TMEM40: variants seen among roughly 807,000 people sequenced by gnomAD.
TMEM40 encodes transmembrane protein 40.
TMEM40 carries 34 observed loss-of-function variants against 40.8 expected under a neutral mutation model. The observed-to-expected ratio is 0.83, with a 90% CI of 0.63 to 1.11. TMEM40 has a LOEUF of 1.11. Among genes scored for constraint, TMEM40 ranks in the 50% least tolerant of loss-of-function variants. TMEM40 has a pLI of 0.00. For missense variants in TMEM40, 296 were observed against 280.2 expected, an observed-to-expected ratio of 1.06 and a Z score of -0.40; for synonymous variants, 106 against 107.0, an observed-to-expected ratio of 0.99 and a Z score of 0.06.
At chr3:12,755,242 T>TCTTG (rs2061517086) in intron 1 of TMEM40, among the ~76,000 whole-genome samples, 1 of 101,062 alleles carries the variant, frequency 9.9e-6, no homozygotes, top group Non-Finnish European at 1.9e-5. Flanking sequence ...TCTCTTTCTT[T>TCTTG]CTTTCTTTCT....
At chr3:12,768,335 G>A (rs796417285) in intron 1 of TMEM40, among the ~76,000 whole-genome samples, 23 of 152,152 alleles carry the variant, frequency 1.5e-4, no homozygotes, top group African/African-American at 4.3e-4. Flanking sequence ...TGACCCCAGC[G>A]GGTTACCACT....
chr3:12,768,169 G>A (rs968547864), intron 1 of TMEM40, among the ~76,000 whole-genome samples: 3 of 152,094 alleles, frequency 2.0e-5, no homozygotes, highest in African/African-American at 7.2e-5. Flanking sequence ...TAGCTCTTAA[G>A]GCGACGCGTC....
intron 11 of TMEM40, among the ~76,000 whole-genome samples, chr3:12,735,077 C>G (rs1280469986): frequency 1.3e-5 from 2 of 152,168 alleles, no homozygotes; most frequent in Non-Finnish European, 2.9e-5. Context: ...AGACGATGTG[C>G]TTTCGCCCAG....
chr3:12,748,668 G>T lies in TMEM40; in HGVS notation c.198C>A (p.Ser66=). The change falls in exon 3 of 12, where the codon TCC becomes TCA. Residue 66 remains serine (S), a synonymous_variant. Coordinates refer to ENST00000314124, the MANE Select transcript of TMEM40 (RefSeq NM_018306.4). ...TCTCTGCTATACCTGAGGAGGAGGA[G>T]GATGAAGAAGATGAGGAGGATGAGG... ...SSSSSSSSSS[S]SSSSESNDED... The T allele has an allele frequency of 6.2e-7, 1 of 1,610,908 alleles. No homozygotes were observed. Among genetic ancestry groups the T allele is most frequent in the Non-Finnish European group, 8.5e-7 (1 of 1,177,730 alleles).
At chr3:12,759,072 C>T (rs1381689658) in intron 1 of TMEM40, 119 bp downstream of exon 1, 2 of 152,188 alleles carry the variant, frequency 1.3e-5, no homozygotes, top group Non-Finnish European at 2.9e-5. Context: ...AGCTGGGACT[C>T]AAACCCAGGT....
chr3:12,737,302 C>A (rs2061344872), intron 8 of TMEM40, among the ~76,000 whole-genome samples: 1 of 152,000 alleles, frequency 6.6e-6, no homozygotes, highest in Non-Finnish European at 1.5e-5. Context: ...GGAAGTTGCT[C>A]CCATTTTCAC....
intron 1 of TMEM40, among the ~76,000 whole-genome samples, chr3:12,755,144 C>CTCTT (rs1160804552): frequency 5.6e-5 from 8 of 142,712 alleles, no homozygotes; most frequent in Non-Finnish European, 1.2e-4. Context: ...TTCTTTCCTT[C>CTCTT]TCTTTCTTTC....
At chr3:12,735,715 CT>C in intron 10 of TMEM40, 98 bp from the exon 11 acceptor site, 1 of 984,732 alleles carries the variant, frequency 1.0e-6, no homozygotes, top group East Asian at 2.5e-5. Flanking sequence ...AAACAAAGCT[CT>C]GATGGTGGAA....
At chr3:12,751,727 T>C (rs1304785464) in intron 1 of TMEM40, among the ~76,000 whole-genome samples, 1 of 152,212 alleles carries the variant, frequency 6.6e-6, no homozygotes, top group East Asian at 1.9e-4. Flanking sequence ...AACAGGGTTC[T>C]CTGCACGCAA....
chr3:12,769,147 T>A, intron 1 of TMEM40: 1 of 249,002 alleles, frequency 4.0e-6, no homozygotes, highest in Non-Finnish European at 8.9e-6. Flanking sequence ...TGGCGGGGCC[T>A]CTCCAAGTGC....
chr3:12,748,776 G>A lies in TMEM40; in HGVS notation c.90C>T (p.Phe30=), dbSNP rs147231365. The change falls in exon 3 of 12, where the codon TTC becomes TTT. Residue 30 remains phenylalanine (F), a synonymous_variant. Coordinates refer to ENST00000314124, the MANE Select transcript of TMEM40 (RefSeq NM_018306.4). ...TEDVDYGETD[F]HKQDGKAGLF... Reference sequence around the variant, plus strand: ...GTCCAGCCTTCCCATCTTGCTTGTGGAAATCTGTCTCTCCATCTACAAGGC... The same window carrying A: ...GTCCAGCCTTCCCATCTTGCTTGTGAAAATCTGTCTCTCCATCTACAAGGC... 5.0e-6 allele frequency: 8 copies of A among 1,614,040 alleles called. No individual in the cohort carries two copies. The highest frequency in any genetic ancestry group is 6.8e-6 in the Non-Finnish European group (8 of 1,179,990).
intron 1 of TMEM40, among the ~76,000 whole-genome samples, chr3:12,750,766 T>A (rs577034218): frequency 1.3e-5 from 2 of 152,292 alleles, no homozygotes; most frequent in South Asian, 4.1e-4. Context: ...ATTTAAACCA[T>A]GTTTCTCAGC....
At chr3:12,768,929 C>CG (rs2061608238) in intron 1 of TMEM40, among the ~76,000 whole-genome samples, 1 of 79,594 alleles carries the variant, frequency 1.3e-5, no homozygotes, top group Non-Finnish European at 2.6e-5. Context: ...GGGGCCGGGG[C>CG]GGGGCGGGGG....
At chr3:12,758,952 A>C (rs2061550003) in intron 1 of TMEM40, among the ~76,000 whole-genome samples, 1 of 152,126 alleles carries the variant, frequency 6.6e-6, no homozygotes, top group Admixed American at 6.6e-5. Context: ...CTGGTCACCT[A>C]CCATGGCCAA....
intron 10 of TMEM40, among the ~76,000 whole-genome samples, chr3:12,735,842 C>A (rs940667753): frequency 3.3e-5 from 5 of 152,200 alleles, no homozygotes; most frequent in Non-Finnish European, 5.9e-5. Flanking sequence ...CAGTTCCCAA[C>A]TCCATTAACT....
upstream of TMEM40, among the ~76,000 whole-genome samples, chr3:12,759,950 G>A (rs536951434): frequency 2.1e-5 from 3 of 142,320 alleles, no homozygotes; most frequent in East Asian, 2.1e-4. Context: ...GTCCTACCAC[G>A]GGAGCCCCCA....
intron 1 of TMEM40, among the ~76,000 whole-genome samples, chr3:12,757,930 G>T (rs564141321): frequency 6.6e-6 from 1 of 152,168 alleles, no homozygotes; most frequent in East Asian, 1.9e-4. Flanking sequence ...TCGAACTCCT[G>T]ACCTCAAAGT....
At chr3:12,760,234 G>A (rs371892304), upstream of TMEM40, among the ~76,000 whole-genome samples, 419 of 152,126 alleles carry the variant, frequency 2.8e-3, 2 homozygotes, top group African/African-American at 9.4e-3. Context: ...ATTCTCATCA[G>A]CCAGGCAGCC....
exon 1 of TMEM40, chr3:12,769,352 TG>T: frequency 3.7e-6 from 1 of 267,162 alleles, no homozygotes; most frequent in South Asian, 2.5e-5. Flanking sequence ...GCGGCCAGAG[TG>T]GGCGCCGAGG....
Sources: gnomAD v4.1 joint callset for allele counts (sites outside exome capture counted in the v4.1 genomes callset) on GRCh38, gnomAD v4.1.1 for gene constraint, MANE v1.5 for transcripts, NCBI Gene and HGNC (gene_info 2026-07-23, HGNC 2026-07-21) for gene names.